NDUFAF6: variants seen among roughly 807,000 people sequenced by gnomAD.
The protein encoded by NDUFAF6 is NADH dehydrogenase (ubiquinone) complex I, assembly factor 6.
In NDUFAF6, 45 loss-of-function variants were observed where a neutral mutation model predicts 40.8. That is an observed-to-expected ratio of 1.10 (90% confidence interval 0.87 to 1.42). The LOEUF is 1.42. Among genes scored for constraint, NDUFAF6 ranks in the 40% most tolerant of loss-of-function variants. The pLI, the probability that NDUFAF6 is intolerant of heterozygous loss-of-function variation, is 0.00. For synonymous variants in NDUFAF6, 185 were observed against 155.9 expected, an observed-to-expected ratio of 1.19 and a Z score of -1.39; for missense variants, 435 against 418.5, an observed-to-expected ratio of 1.04 and a Z score of -0.34.
chr8:94,942,376 C>T (rs1821626850), intron 1 of NDUFAF6, among the ~76,000 whole-genome samples: 1 of 152,028 alleles, frequency 6.6e-6, no homozygotes, highest in Admixed American at 6.5e-5. Context: ...TCATCCCAAC[C>T]ACCAAGTCCC....
intron 1 of NDUFAF6, among the ~76,000 whole-genome samples, chr8:94,936,235 G>A (rs1288292708): frequency 6.6e-6 from 1 of 152,192 alleles, no homozygotes; most frequent in African/African-American, 2.4e-5. Context: ...TGATGTCAGA[G>A]AAACACTAAT....
At chr8:95,031,861 A>G (rs1163470797) in intron 1 of NDUFAF6, 134 bp from the exon 2 acceptor site, 1 of 810,962 alleles carries the variant, frequency 1.2e-6, no homozygotes, top group Non-Finnish European at 2.1e-6. Context: ...TTGGCCTCCC[A>G]AAGTGCTGGG....
At chr8:94,937,348 G>A (rs1465948610) in intron 1 of NDUFAF6, among the ~76,000 whole-genome samples, 1 of 151,684 alleles carries the variant, frequency 6.6e-6, no homozygotes, top group Non-Finnish European at 1.5e-5. Flanking sequence ...GGCTGAGAAA[G>A]GAGAATCACT....
intron 2 of NDUFAF6, among the ~76,000 whole-genome samples, chr8:95,082,873 G>T (rs1808920534): frequency 6.6e-6 from 1 of 152,144 alleles, no homozygotes; most frequent in Non-Finnish European, 1.5e-5. Flanking sequence ...TTTTAGCCGG[G>T]ATGGTTTCGA....
intron 2 of NDUFAF6, among the ~76,000 whole-genome samples, chr8:94,995,958 A>G (rs1826410805): frequency 6.6e-6 from 1 of 152,180 alleles, no homozygotes; most frequent in African/African-American, 2.4e-5. Context: ...TTGTACTTTT[A>G]GTAGAGACAG....
chr8:94,963,171 C>G (rs974339350), intron 1 of NDUFAF6, among the ~76,000 whole-genome samples: 1 of 152,080 alleles, frequency 6.6e-6, no homozygotes, highest in African/African-American at 2.4e-5. Flanking sequence ...TACCTGCAGC[C>G]AAAGGCATGT....
exon 3 of NDUFAF6, chr8:95,103,170 T>G (rs1809708616): frequency 6.6e-6 from 1 of 152,186 alleles, no homozygotes; most frequent in African/African-American, 2.4e-5. Flanking sequence ...TTCAGGTGGT[T>G]TTGTGGCTCT....
intron 1 of NDUFAF6, chr8:94,926,093 A>G (rs1267068389): frequency 1.3e-5 from 2 of 152,612 alleles, no homozygotes; most frequent in African/African-American, 4.8e-5. Context: ...ACAATGCTAC[A>G]CTCATTTTTG....
chr8:95,002,767 C>T (rs908023125), intron 2 of NDUFAF6, among the ~76,000 whole-genome samples: 10 of 152,150 alleles, frequency 6.6e-5, no homozygotes, highest in African/African-American at 1.9e-4. Context: ...ATGTATTTGT[C>T]GAGACCCTGC....
At chr8:94,956,530 A>G (rs1234650754), upstream of NDUFAF6, among the ~76,000 whole-genome samples, 1 of 152,232 alleles carries the variant, frequency 6.6e-6, no homozygotes, top group Non-Finnish European at 1.5e-5. Flanking sequence ...GGTCTGGGTC[A>G]GGAGAGAACA....
chr8:95,051,753 C>T (rs781354753), intron 7 of NDUFAF6, among the ~76,000 whole-genome samples: 5 of 152,004 alleles, frequency 3.3e-5, no homozygotes, highest in South Asian at 2.1e-4. Context: ...TTAATTTGTC[C>T]GGCTGCGTGG....
At chr8:95,019,676 T>C (rs1024040734) in intron 2 of NDUFAF6, among the ~76,000 whole-genome samples, 13 of 152,172 alleles carry the variant, frequency 8.5e-5, no homozygotes, top group African/African-American at 3.1e-4. Context: ...TTGCATAACA[T>C]AGTGACCACT....
rs578112247 is a variant in NDUFAF6 at position 94,906,430 on chromosome 8, C to A, written c.-936+10503C>A. Among the ~76,000 whole-genome samples, 41 of 152,308 alleles carry A rather than the reference C, an allele frequency of 2.7e-4. 1 individual carries two copies. The South Asian group carries it at 7.0e-3, about 26-fold the overall frequency. ...TCTCCCTTTCTGCTGGTATAAGAAC[C>A]TAACCCACCACTCACCAGCAGGGCT... On this transcript the variant is annotated intron_variant, in intron 1 of 14. Coordinates refer to the NDUFAF6 transcript ENST00000396113.
At chr8:95,020,506 G>C (rs1827648688), upstream of NDUFAF6, among the ~76,000 whole-genome samples, 1 of 152,268 alleles carries the variant, frequency 6.6e-6, no homozygotes, top group East Asian at 1.9e-4. Flanking sequence ...AGCCCTGCAG[G>C]CACATGCCTC....
At chr8:95,069,967 A>G (rs891240427) in intron 9 of NDUFAF6, among the ~76,000 whole-genome samples, 1 of 151,626 alleles carries the variant, frequency 6.6e-6, no homozygotes, top group African/African-American at 2.4e-5. Context: ...GGGCTGGGAC[A>G]AGTTACTTGA....
At chr8:95,095,202 C>T (rs1809415683) in intron 2 of NDUFAF6, among the ~76,000 whole-genome samples, 1 of 152,192 alleles carries the variant, frequency 6.6e-6, no homozygotes, top group African/African-American at 2.4e-5. Context: ...GATTCTTTCC[C>T]TCTCACAGGC....
intron 1 of NDUFAF6, among the ~76,000 whole-genome samples, chr8:94,901,359 G>A (rs892432026): frequency 6.6e-6 from 1 of 152,028 alleles, no homozygotes; most frequent in South Asian, 2.1e-4. Context: ...CAGGGAAGGG[G>A]TTAGTTTGTG....
At chr8:94,950,176 T>C (rs533163209) in intron 2 of NDUFAF6, 5 of 152,448 alleles carry the variant, frequency 3.3e-5, no homozygotes, top group Non-Finnish European at 7.3e-5. Flanking sequence ...AGCTCTCATG[T>C]GACCCACGGA....
At chr8:95,081,923 G>A (rs775073767) in intron 2 of NDUFAF6, among the ~76,000 whole-genome samples, 1 of 152,158 alleles carries the variant, frequency 6.6e-6, no homozygotes, top group African/African-American at 2.4e-5. Flanking sequence ...AAAATTAGCC[G>A]GGCGTGGTGG....
Sources: gnomAD v4.1 joint callset for allele counts (sites outside exome capture counted in the v4.1 genomes callset) on GRCh38, gnomAD v4.1.1 for gene constraint, MANE v1.5 for transcripts, NCBI Gene and HGNC (gene_info 2026-07-23, HGNC 2026-07-21) for gene names.